The following SMIM35 variants were observed in gnomAD, a reference collection of about 807,000 sequenced individuals.
The protein encoded by SMIM35 is TMPRSS4 antisense RNA 1 (non-protein coding).
Position 118,013,780 on chromosome 11 carries a change from A to G in SMIM35, c.*1T>C. Reference sequence around the variant, plus strand: ...GGGCTTCACAAGTTGCTGTCTCTGCATCAGACTAGCCCGTTGGAGAACTTC... The same window carrying G: ...GGGCTTCACAAGTTGCTGTCTCTGCGTCAGACTAGCCCGTTGGAGAACTTC... On this transcript the variant is annotated 3_prime_UTR_variant, in exon 4 of 5. Coordinates refer to ENST00000689828, the MANE Select transcript of SMIM35 (RefSeq NM_001394165.1). 1 of 399,158 alleles carries G rather than the reference A, an allele frequency of 2.5e-6. No homozygotes were observed. The highest frequency in any genetic ancestry group is 4.4e-6 in the Non-Finnish European group (1 of 226,128). The allele number at this position is 399,158 out of a possible 1,614,324, so 24.7% of individuals were successfully genotyped here.
chr11:118,017,655 G>A (rs1007715608), intron 1 of SMIM35, among the ~76,000 whole-genome samples: 3 of 152,166 alleles, frequency 2.0e-5, no homozygotes, highest in African/African-American at 7.2e-5. Context: ...CCTAAAGGAG[G>A]TGTATTAGTT....
chr11:118,083,459 C>T (rs1349468326), intron 1 of SMIM35, among the ~76,000 whole-genome samples: 2 of 152,124 alleles, frequency 1.3e-5, no homozygotes, highest in African/African-American at 2.4e-5. Flanking sequence ...AGCCAAGCCC[C>T]GGGGCCCATG....
intron 1 of SMIM35, among the ~76,000 whole-genome samples, chr11:118,066,454 C>T (rs1415681132): frequency 6.6e-6 from 1 of 152,138 alleles, no homozygotes; most frequent in Admixed American, 6.5e-5. Context: ...ACAAGTCATC[C>T]TCCTGCTTAA....
chr11:118,062,811 T>C (rs897859263), intron 1 of SMIM35, among the ~76,000 whole-genome samples: 1 of 151,878 alleles, frequency 6.6e-6, no homozygotes, highest in African/African-American at 2.4e-5. Flanking sequence ...AGGAGCTGGG[T>C]AAAATAAGGC....
At chr11:118,021,356 T>C (rs1330518341) in intron 1 of SMIM35, among the ~76,000 whole-genome samples, 1 of 152,154 alleles carries the variant, frequency 6.6e-6, no homozygotes, top group Admixed American at 6.5e-5. Flanking sequence ...AGCTGACTAA[T>C]TCTTTCTTCA....
chr11:118,049,728 C>CATA (rs1944178900), intron 1 of SMIM35, among the ~76,000 whole-genome samples: 2 of 152,124 alleles, frequency 1.3e-5, no homozygotes, highest in Admixed American at 1.3e-4. Context: ...TACAAATATA[C>CATA]TTTATAAATA....
intron 1 of SMIM35, among the ~76,000 whole-genome samples, chr11:118,042,150 T>C (rs1944015874): frequency 7.7e-6 from 1 of 129,560 alleles, no homozygotes; most frequent in Non-Finnish European, 1.7e-5. Context: ...ACTAATAAAA[T>C]AGAAAATAAA....
intron 1 of SMIM35, among the ~76,000 whole-genome samples, chr11:118,047,548 C>T (rs2135093212): frequency 6.6e-6 from 1 of 152,250 alleles, no homozygotes; most frequent in East Asian, 1.9e-4. Context: ...CAGGCATGGG[C>T]AATACACCCA....
chr11:118,024,086 T>C (rs1203927615), intron 1 of SMIM35, among the ~76,000 whole-genome samples: 2 of 151,382 alleles, frequency 1.3e-5, no homozygotes, highest in South Asian at 2.1e-4. Flanking sequence ...CCACCTAATA[T>C]ATGTGTAATT....
At chr11:118,064,936 C>G (rs1054093617) in intron 1 of SMIM35, among the ~76,000 whole-genome samples, 9 of 152,226 alleles carry the variant, frequency 5.9e-5, no homozygotes, top group African/African-American at 1.7e-4. Flanking sequence ...GCCACCATGC[C>G]CAGCCTTCAT....
chr11:118,044,944 G>T (rs619744), intron 1 of SMIM35, among the ~76,000 whole-genome samples: 2 of 151,888 alleles, frequency 1.3e-5, no homozygotes, highest in African/African-American at 4.8e-5. Context: ...AAAAAATGAA[G>T]AAGCAAGCAG....
chr11:118,014,182 C>T (rs1200325286), intron 3 of SMIM35, among the ~76,000 whole-genome samples: 2 of 152,198 alleles, frequency 1.3e-5, no homozygotes, highest in African/African-American at 2.4e-5. Context: ...TCAGACCTGT[C>T]TCCAGCAGAG....
intron 1 of SMIM35, among the ~76,000 whole-genome samples, chr11:118,086,086 A>T (rs1281908055): frequency 6.6e-6 from 1 of 152,204 alleles, no homozygotes; most frequent in Non-Finnish European, 1.5e-5. Flanking sequence ...GCATGTACAA[A>T]TACCTCACTC....
chr11:118,071,152 G>A (rs1031070084), intron 1 of SMIM35, among the ~76,000 whole-genome samples: 3 of 152,164 alleles, frequency 2.0e-5, no homozygotes, highest in African/African-American at 7.2e-5. Flanking sequence ...CTGCCATTCT[G>A]TCAGACTCAT....
At chr11:118,045,878 G>A (rs1365337418) in intron 1 of SMIM35, among the ~76,000 whole-genome samples, 1 of 152,194 alleles carries the variant, frequency 6.6e-6, no homozygotes, top group Non-Finnish European at 1.5e-5. Flanking sequence ...TTGGAGCCAG[G>A]CCATCTGGAA....
At chr11:118,070,936 C>T (rs570423669) in intron 1 of SMIM35, among the ~76,000 whole-genome samples, 2 of 152,266 alleles carry the variant, frequency 1.3e-5, no homozygotes, top group East Asian at 1.9e-4. Context: ...TGGGTTACAC[C>T]GACCTGGATC....
Position 118,005,068 on chromosome 11 carries a change from C to G in SMIM35, c.*1342G>C, listed in dbSNP as rs1373474242. On this transcript the variant is annotated 3_prime_UTR_variant, in exon 5 of 5. Coordinates refer to ENST00000689828, the MANE Select transcript of SMIM35 (RefSeq NM_001394165.1). ...GGAACATTCTTCAGAATCCTACTAT[C>G]TGGTCACCCCAGCCCTGGAAGTGAC... 6.6e-6 allele frequency: 1 copy of G among 152,226 alleles called. No homozygotes were observed. Among genetic ancestry groups the G allele is most frequent in the Non-Finnish European group, 1.5e-5 (1 of 68,072 alleles). The allele number at this position is 152,226 out of a possible 1,614,324, so 9.4% of individuals were successfully genotyped here.
Position 118,060,675 on chromosome 11 carries a change from A to AC in SMIM35, c.7+26075dup, listed in dbSNP as rs201056360. ...GAGCAACTGCAAATGGCTGTCTGGG[A>AC]CCCCCTTCTACAGAGTCCAGGGTGT... On this transcript the variant is annotated intron_variant, in intron 1 of 4. Coordinates refer to ENST00000689828, the MANE Select transcript of SMIM35 (RefSeq NM_001394165.1). 6.9e-3 allele frequency among the ~76,000 whole-genome samples: 1,039 copies of AC among 151,414 alleles called. 7 individuals carry two copies. The highest frequency in any genetic ancestry group is 9.2e-3 in the Non-Finnish European group (625 of 67,764).
intron 1 of SMIM35, among the ~76,000 whole-genome samples, chr11:118,049,594 C>A (rs908444681): frequency 6.6e-6 from 1 of 152,030 alleles, no homozygotes; most frequent in Non-Finnish European, 1.5e-5. Flanking sequence ...GGTGACCCAC[C>A]CACCTCGGCC....
Sources: allele counts gnomAD v4.1 joint callset (sites outside exome capture counted in the v4.1 genomes callset), GRCh38; gene constraint gnomAD v4.1.1; transcripts MANE v1.5; gene names NCBI Gene and HGNC (gene_info 2026-07-23, HGNC 2026-07-21).